The following SCP2 variants were observed in gnomAD, a reference collection of about 807,000 sequenced individuals.
SCP2 encodes the protein sterol carrier protein 2, also known as SCP-2/3-oxoacyl-CoA thiolase.
SCP2 carries 48 observed loss-of-function variants against 71.4 expected under a neutral mutation model. That is an observed-to-expected ratio of 0.67 (90% CI 0.53 to 0.86). The LOEUF is 0.86. Ranked by LOEUF, SCP2 falls within the 40% of genes least tolerant of loss-of-function variation. The pLI is 0.00. For synonymous variants in SCP2, 220 were observed against 218.1 expected (o/e 1.01, Z -0.08); for missense variants, 560 against 655.6 (o/e 0.85, Z 1.59).
chr1:52,967,602 A>G (rs10888759), intron 6 of SCP2, among the ~76,000 whole-genome samples: 89,208 of 151,992 alleles, frequency 0.59, 28,740 homozygotes, highest in East Asian at 0.98. Context: ...GTTGCTGTCA[A>G]TTGCTATGGG....
chr1:53,049,020 C>T (rs1375830372), intron 15 of SCP2: 1 of 152,154 alleles, frequency 6.6e-6, no homozygotes, highest in African/African-American at 2.4e-5. Context: ...TTCTACGTAA[C>T]CAAGCACATT....
intron 5 of SCP2, among the ~76,000 whole-genome samples, chr1:52,960,482 G>A (rs202087781): frequency 0.14 from 6,307 of 43,572 alleles, 206 homozygotes; most frequent in East Asian, 0.46. Flanking sequence ...CTATGTATAT[G>A]TGTGTGTGTG....
chr1:53,047,358 C>T (rs1379942399), intron 14 of SCP2, among the ~76,000 whole-genome samples: 3 of 152,034 alleles, frequency 2.0e-5, no homozygotes, highest in Non-Finnish European at 4.4e-5. Context: ...AGGTTCTACT[C>T]ACACTGGAAG....
intron 14 of SCP2, among the ~76,000 whole-genome samples, chr1:53,042,878 C>G (rs1486336916): frequency 6.6e-6 from 1 of 152,144 alleles, no homozygotes; most frequent in Non-Finnish European, 1.5e-5. Flanking sequence ...TCCATCATCT[C>G]TTTTTGCTTC....
chr1:52,951,511 C>G (rs910305587), intron 4 of SCP2, among the ~76,000 whole-genome samples: 25 of 132,536 alleles, frequency 1.9e-4, no homozygotes, highest in Non-Finnish European at 3.1e-4. Flanking sequence ...GATGTATGAT[C>G]ATACCACTGC....
intron 12 of SCP2, among the ~76,000 whole-genome samples, chr1:53,026,267 AATTATTCTCTTTTG>A (rs1468601792): frequency 1.3e-5 from 2 of 152,114 alleles, no homozygotes; most frequent in East Asian, 3.8e-4. Context: ...GGAACATTTG[AATTATTCTCTTTTG>A]ATTATTCTCT....
Position 53,051,048 on chromosome 1 carries a change from G to C in SCP2, c.*344G>C, listed in dbSNP as rs1664168489. On this transcript the variant is annotated 3_prime_UTR_variant, in exon 16 of 16. Transcript: ENST00000371514. The stretch of plus-strand genomic sequence containing the variant: ...TGTTTTGCTTACAAAGTATATTTAA[G>C]GATTATTCTGCTGAAGATTCAGTTT... 1 of 184,806 alleles carries C rather than the reference G, an allele frequency of 5.4e-6. No individual in the cohort carries two copies. The highest frequency in any genetic ancestry group is 1.1e-5 in the Non-Finnish European group (1 of 87,550). 11.4% of individuals were successfully genotyped at this position (184,806 alleles called of 1,614,324 possible).
chr1:53,022,859 A>G (rs1055605061), intron 12 of SCP2, among the ~76,000 whole-genome samples: 2 of 152,204 alleles, frequency 1.3e-5, no homozygotes, highest in African/African-American at 4.8e-5. Flanking sequence ...AAAATTTTCA[A>G]GAATCATGGA....
intron 2 of SCP2, among the ~76,000 whole-genome samples, chr1:52,946,693 TATA>T (rs1285686117): frequency 2.6e-5 from 4 of 151,698 alleles, no homozygotes; most frequent in Non-Finnish European, 4.4e-5. Flanking sequence ...CTTCATAAAT[TATA>T]ATAATTGATT....
chr1:52,993,066 C>A, intron 11 of SCP2: 1 of 1,049,354 alleles, frequency 9.5e-7, no homozygotes, highest in South Asian at 1.3e-5. Context: ...GACTAGCCAG[C>A]TTCTTGGTCT....
intron 12 of SCP2, among the ~76,000 whole-genome samples, chr1:53,015,639 T>A (rs1380299432): frequency 6.6e-6 from 1 of 152,230 alleles, no homozygotes; most frequent in East Asian, 1.9e-4. Context: ...TGTTCCATGC[T>A]TTTGTTTCCA....
intron 11 of SCP2, among the ~76,000 whole-genome samples, chr1:53,004,608 C>T (rs1405303447): frequency 6.6e-6 from 1 of 152,194 alleles, no homozygotes; most frequent in Non-Finnish European, 1.5e-5. Flanking sequence ...GTGATATTCA[C>T]CGCCCTTGTG....
At chr1:52,983,224 A>T (rs1379209756) in intron 10 of SCP2, among the ~76,000 whole-genome samples, 1 of 152,176 alleles carries the variant, frequency 6.6e-6, no homozygotes, top group African/African-American at 2.4e-5. Context: ...GTTTCTCTGT[A>T]TGTGATGGGC....
At chr1:52,995,840 C>T in intron 11 of SCP2, 3 of 1,104,596 alleles carry the variant, frequency 2.7e-6, no homozygotes, top group African/African-American at 1.5e-5. Context: ...CATCTTGGAG[C>T]AGTTCACTGC....
At chr1:52,948,670 A>G (rs1049454868) in intron 3 of SCP2, among the ~76,000 whole-genome samples, 3 of 151,230 alleles carry the variant, frequency 2.0e-5, no homozygotes, top group African/African-American at 7.3e-5. Context: ...GAATAAATGT[A>G]TTATAATTTA....
At chr1:52,951,668 G>GT (rs1458713296) in intron 4 of SCP2, among the ~76,000 whole-genome samples, 4 of 150,996 alleles carry the variant, frequency 2.6e-5, no homozygotes, top group Non-Finnish European at 5.9e-5. Context: ...ACGATTCAGT[G>GT]TTTTTTGTAT....
intron 5 of SCP2, among the ~76,000 whole-genome samples, chr1:52,956,902 CTTTTTTTTTTTTT>C (rs370787153): frequency 1.9e-5 from 2 of 105,900 alleles, no homozygotes; most frequent in Admixed American, 1.1e-4. Flanking sequence ...CTCCTTCTGC[CTTTTTTTTTTTTT>C]TTTTTTTTTT....
At chr1:52,997,063 A>G (rs1321827940) in intron 11 of SCP2, among the ~76,000 whole-genome samples, 1 of 152,254 alleles carries the variant, frequency 6.6e-6, no homozygotes, top group East Asian at 1.9e-4. Flanking sequence ...TCTCACAAAA[A>G]TGTGTACACT....
intron 7 of SCP2, among the ~76,000 whole-genome samples, chr1:52,975,284 G>A (rs1483673796): frequency 2.6e-5 from 4 of 152,046 alleles, no homozygotes; most frequent in Non-Finnish European, 2.9e-5. Flanking sequence ...GGGTTCAAGC[G>A]ATTCTCCTGC....
Sources: allele counts gnomAD v4.1 joint callset (sites outside exome capture counted in the v4.1 genomes callset), GRCh38; gene constraint gnomAD v4.1.1; transcripts MANE v1.5; gene names NCBI Gene and HGNC (gene_info 2026-07-23, HGNC 2026-07-21).